Variants in CNTN3 observed in about 807,000 individuals in gnomAD.
CNTN3 encodes contactin-3.
A neutral mutation model predicts 119.1 loss-of-function variants in CNTN3; 60 were observed. That is an observed-to-expected ratio of 0.50 (90% confidence interval 0.41 to 0.62). The LOEUF is 0.62. Among genes scored for constraint, CNTN3 ranks in the 20% least tolerant of loss-of-function variants. The pLI is 0.00. For synonymous variants in CNTN3, 450 were observed against 438.7 expected, an observed-to-expected ratio of 1.03 and a Z score of -0.32; for missense variants, 1,101 against 1,242.4, an observed-to-expected ratio of 0.89 and a Z score of 1.71.
intron 1 of CNTN3, among the ~76,000 whole-genome samples, chr3:74,533,548 C>T (rs1477400262): frequency 6.6e-6 from 1 of 151,944 alleles, no homozygotes; most frequent in Non-Finnish European, 1.5e-5. Flanking sequence ...CATTTACTAC[C>T]ACCACCCCCA....
intron 1 of CNTN3, among the ~76,000 whole-genome samples, chr3:74,540,064 C>T (rs1251252497): frequency 6.6e-6 from 1 of 152,078 alleles, no homozygotes; most frequent in Non-Finnish European, 1.5e-5. Flanking sequence ...GGAAAGTGCA[C>T]AGTTAGCAAA....
At chr3:74,613,286 T>A (rs2106722075) in intron 1 of CNTN3, among the ~76,000 whole-genome samples, 1 of 151,680 alleles carries the variant, frequency 6.6e-6, no homozygotes, top group South Asian at 2.1e-4. Context: ...TTTTTTTTTT[T>A]TAGTTATTCT....
chr3:74,334,648 C>A, intron 13 of CNTN3, 87 bp downstream of exon 13: 1 of 1,161,872 alleles, frequency 8.6e-7, no homozygotes, highest in Non-Finnish European at 1.2e-6. Flanking sequence ...ATTTCTAGAG[C>A]ATTGTCTATA....
chr3:74,341,240 T>C (rs936171855), intron 11 of CNTN3, among the ~76,000 whole-genome samples: 10 of 152,176 alleles, frequency 6.6e-5, no homozygotes, highest in Admixed American at 5.9e-4. Flanking sequence ...AGTAAATGAA[T>C]GGAGTAATTG....
At chr3:74,522,399 T>G (rs1443371979) in intron 1 of CNTN3, among the ~76,000 whole-genome samples, 2 of 151,880 alleles carry the variant, frequency 1.3e-5, no homozygotes, top group Non-Finnish European at 2.9e-5. Context: ...CAACTTACAG[T>G]AGTAACATTG....
At chr3:74,531,509 G>A (rs2107135814) in intron 1 of CNTN3, among the ~76,000 whole-genome samples, 2 of 152,074 alleles carry the variant, frequency 1.3e-5, no homozygotes, top group African/African-American at 4.8e-5. Context: ...GGCTTACCTA[G>A]GAGATAAGGA....
At chr3:74,549,572 C>T (rs945766944) in intron 1 of CNTN3, among the ~76,000 whole-genome samples, 11 of 151,714 alleles carry the variant, frequency 7.3e-5, no homozygotes, top group Non-Finnish European at 1.3e-4. Flanking sequence ...TAAATGGGTT[C>T]GGTGATCTGG....
chr3:74,338,426 G>T (rs1176141963), intron 11 of CNTN3, among the ~76,000 whole-genome samples: 2 of 151,584 alleles, frequency 1.3e-5, no homozygotes, highest in Admixed American at 6.6e-5. Context: ...ATACATATAT[G>T]TGTATATACA....
chr3:74,580,508 A>T (rs141654724), intron 1 of CNTN3, among the ~76,000 whole-genome samples: 174 of 152,298 alleles, frequency 1.1e-3, no homozygotes, highest in African/African-American at 4.1e-3. Flanking sequence ...AAAATTCCTT[A>T]AAAATATTAC....
chr3:74,416,475 G>C (rs1462914417), intron 5 of CNTN3, among the ~76,000 whole-genome samples: 1 of 152,114 alleles, frequency 6.6e-6, no homozygotes, highest in Non-Finnish European at 1.5e-5. Context: ...AACTCAAGCA[G>C]TCTAGCTCTA....
intron 11 of CNTN3, among the ~76,000 whole-genome samples, chr3:74,344,949 G>C (rs1452829193): frequency 6.6e-6 from 1 of 151,848 alleles, no homozygotes; most frequent in African/African-American, 2.4e-5. Flanking sequence ...AAGATATATG[G>C]GCCTCAGGTT....
chr3:74,401,478 C>T (rs1705189346), intron 5 of CNTN3, among the ~76,000 whole-genome samples: 3 of 151,928 alleles, frequency 2.0e-5, no homozygotes, highest in Admixed American at 6.6e-5. Context: ...TCACTCTCTC[C>T]TCTCTTTCTC....
chr3:74,555,561 A>G (rs1704056138), intron 1 of CNTN3, among the ~76,000 whole-genome samples: 1 of 152,138 alleles, frequency 6.6e-6, no homozygotes, highest in East Asian at 1.9e-4. Flanking sequence ...TTTGGTTGGT[A>G]GGCTATTAAT....
chr3:74,527,943 T>C (rs1053576979), intron 1 of CNTN3, among the ~76,000 whole-genome samples: 1 of 151,938 alleles, frequency 6.6e-6, no homozygotes, highest in African/African-American at 2.4e-5. Flanking sequence ...TTTTCCAAGG[T>C]AGCCAAATCT....
chr3:74,505,447 CGT>C (rs140722806), intron 2 of CNTN3, among the ~76,000 whole-genome samples: 18,743 of 148,748 alleles, frequency 0.13, 1,654 homozygotes, highest in East Asian at 0.3. Flanking sequence ...GAACACTATA[CGT>C]GTGTGTGTGT....
rs1054053253 is a variant in CNTN3, at chr3:74,526,806, T to C, written c.-80-5614A>G. 3.3e-5 allele frequency among the ~76,000 whole-genome samples: 5 copies of C among 151,818 alleles called. No homozygotes were observed. In the East Asian group the frequency reaches 9.8e-4, roughly 30 times the overall value. The stretch of plus-strand genomic sequence containing the variant: ...TGAACACCTACAGCACTTTATATTC[T>C]CTCCCTTGACCCTCAACACTTCTAA... On this transcript the variant is annotated intron_variant, in intron 1 of 22. Coordinates refer to ENST00000263665, the MANE Select transcript of CNTN3 (RefSeq NM_020872.3).
intron 11 of CNTN3, 103 bp from the exon 12 acceptor site, chr3:74,336,761 T>C: frequency 1.1e-6 from 1 of 897,334 alleles, no homozygotes; most frequent in Non-Finnish European, 1.6e-6. Flanking sequence ...CTAGTATTTT[T>C]AAGGCATGAT....
At chr3:74,574,925 C>A (rs368430705) in intron 1 of CNTN3, among the ~76,000 whole-genome samples, 1 of 145,356 alleles carries the variant, frequency 6.9e-6, no homozygotes, top group Non-Finnish European at 1.5e-5. Context: ...GAAGCATTTT[C>A]TTTTTTTTTT....
intron 13 of CNTN3, among the ~76,000 whole-genome samples, chr3:74,319,791 A>G (rs1024271469): frequency 1.3e-5 from 2 of 151,100 alleles, no homozygotes; most frequent in African/African-American, 4.9e-5. Context: ...AATATCCAGA[A>G]TCTACAATGA....
Sources: allele counts gnomAD v4.1 joint callset (sites outside exome capture counted in the v4.1 genomes callset), GRCh38; gene constraint gnomAD v4.1.1; transcripts MANE v1.5; gene names NCBI Gene and HGNC (gene_info 2026-07-23, HGNC 2026-07-21).